Variants in MAP2K4 observed in about 807,000 individuals in gnomAD.
MAP2K4 encodes the protein dual specificity mitogen-activated protein kinase kinase 4.
Under a neutral mutation model 48.5 loss-of-function variants are expected in MAP2K4, and 4 were observed. The observed-to-expected ratio is 0.08, with a 90% CI of 0.04 to 0.19. The LOEUF is 0.19. Among genes scored for constraint, MAP2K4 ranks in the 10% least tolerant of loss-of-function variants. The probability of loss-of-function intolerance (pLI) is 1.00; values close to 1 mark genes in which losing one functional copy is unlikely to be tolerated. For synonymous variants in MAP2K4, 166 were observed against 173.1 expected, an observed-to-expected ratio of 0.96 and a Z score of 0.32; for missense variants, 258 against 493.3, an observed-to-expected ratio of 0.52 and a Z score of 4.52.
chr17:12,115,538 C>CG, intron 7 of MAP2K4: 1 of 518,702 alleles, frequency 1.9e-6, no homozygotes, highest in Non-Finnish European at 3.5e-6. Flanking sequence ...GGTGACGGGC[C>CG]GGAGAAAGAT....
At chr17:12,076,476 C>T (rs1393827419) in intron 2 of MAP2K4, among the ~76,000 whole-genome samples, 2 of 152,074 alleles carry the variant, frequency 1.3e-5, no homozygotes, top group African/African-American at 2.4e-5. Flanking sequence ...AATTAATAAT[C>T]GGGAAGGACT....
intron 2 of MAP2K4, among the ~76,000 whole-genome samples, chr17:12,057,498 T>G (rs1970318027): frequency 6.6e-6 from 1 of 152,226 alleles, no homozygotes; most frequent in Non-Finnish European, 1.5e-5. Flanking sequence ...TCTGTAATTA[T>G]ATGAGGATAA....
chr17:12,052,736 G>A (rs1157498688), intron 1 of MAP2K4, among the ~76,000 whole-genome samples: 1 of 152,120 alleles, frequency 6.6e-6, no homozygotes, highest in East Asian at 1.9e-4. Flanking sequence ...AGTTTGTAAA[G>A]ATTTTCTTCA....
chr17:12,085,584 C>T (rs1474931075), intron 3 of MAP2K4, among the ~76,000 whole-genome samples: 4 of 151,990 alleles, frequency 2.6e-5, no homozygotes, highest in African/African-American at 9.7e-5. Flanking sequence ...ACCCTTTCAC[C>T]TCTACTGTTT....
rs189868116 is a variant in MAP2K4 at position 12,039,638 on chromosome 17, A to T, written c.116-15251A>T. On this transcript the variant is annotated intron_variant, in intron 1 of 10. Transcript: ENST00000353533. ...CTTGATACAATTATCTTACCATTAA[A>T]TGAACAAAACAATATTACTAGATAG... 1.2e-4 allele frequency among the ~76,000 whole-genome samples: 19 copies of T among 152,342 alleles called. 1 individual carries two copies. The East Asian group carries it at 3.7e-3, about 29-fold the overall frequency.
In MAP2K4 at chr17:12,098,940, T is replaced by C. The variant is rs1044070818; in HGVS notation, c.513+3246T>C. Among the ~76,000 whole-genome samples the C allele has an allele frequency of 1.6e-4, 24 of 152,162 alleles. No individual in the cohort carries two copies. The South Asian group carries it at 2.5e-3, about 16-fold the overall frequency. Reference sequence around the variant, plus strand: ...AATTTAAGGGGTACAAGTGCAGTTTTTTTATATGAATATATTGAGTAGTGG... The same window carrying C: ...AATTTAAGGGGTACAAGTGCAGTTTCTTTATATGAATATATTGAGTAGTGG... On this transcript the variant is annotated intron_variant, in intron 4 of 10. Coordinates refer to ENST00000353533, the MANE Select transcript of MAP2K4 (RefSeq NM_003010.4).
intron 2 of MAP2K4, chr17:12,069,729 G>T: frequency 9.3e-7 from 1 of 1,073,632 alleles, no homozygotes; most frequent in Non-Finnish European, 1.1e-6. Context: ...CTGACAGACC[G>T]AGTTTACTGT....
chr17:12,060,728 G>GGGGTGTGTGTGTGT (rs71367376), intron 2 of MAP2K4, among the ~76,000 whole-genome samples: 2 of 150,352 alleles, frequency 1.3e-5, no homozygotes, highest in East Asian at 3.9e-4. Context: ...AATACTATGG[G>GGGGTGTGTGTGTGT]GTGTGTGTGT....
chr17:12,043,921 G>A (rs188966431), intron 1 of MAP2K4, among the ~76,000 whole-genome samples: 3 of 152,154 alleles, frequency 2.0e-5, no homozygotes, highest in Non-Finnish European at 2.9e-5. Flanking sequence ...GTGTGTATGG[G>A]GGCGTGGCAG....
Position 12,090,927 on chromosome 17 carries a change from T to A in MAP2K4, c.394-4648T>A, listed in dbSNP as rs77086751. ...CAATGTGTCATAGTCTGCTTTAAAG[T>A]TTTTCATACTTACCGATGTTAGTTT... On this transcript the variant is annotated intron_variant, in intron 3 of 10. Coordinates refer to ENST00000353533, the MANE Select transcript of MAP2K4 (RefSeq NM_003010.4). Among the ~76,000 whole-genome samples, 283 of 152,266 alleles carry A rather than the reference T, an allele frequency of 1.9e-3. 2 individuals are homozygous for A. Among genetic ancestry groups the A allele is most frequent in the African/African-American group, 6.3e-3 (261 of 41,552 alleles).
intron 8 of MAP2K4, among the ~76,000 whole-genome samples, chr17:12,126,819 G>T (rs1480739105): frequency 6.6e-6 from 1 of 152,192 alleles, no homozygotes; most frequent in Non-Finnish European, 1.5e-5. Context: ...ACCAGGACTT[G>T]CTGGGTTTTT....
At chr17:12,103,818 T>A (rs1972020743) in intron 4 of MAP2K4, among the ~76,000 whole-genome samples, 1 of 152,196 alleles carries the variant, frequency 6.6e-6, no homozygotes, top group East Asian at 1.9e-4. Context: ...TTTTCAAGAT[T>A]TATGTAAATA....
chr17:12,046,886 C>G (rs1969980595), intron 1 of MAP2K4, among the ~76,000 whole-genome samples: 1 of 151,948 alleles, frequency 6.6e-6, no homozygotes, highest in Non-Finnish European at 1.5e-5. Context: ...GGCTTTTAAG[C>G]CTTCCAACTC....
chr17:12,045,128 G>A (rs1320475523), intron 1 of MAP2K4, among the ~76,000 whole-genome samples: 1 of 152,114 alleles, frequency 6.6e-6, no homozygotes, highest in African/African-American at 2.4e-5. Context: ...CTAGAGCTCT[G>A]TGTCATTGTC....
At chr17:12,086,242 G>A (rs542141042) in intron 3 of MAP2K4, among the ~76,000 whole-genome samples, 2 of 152,302 alleles carry the variant, frequency 1.3e-5, no homozygotes, top group East Asian at 3.9e-4. Context: ...GTCAGATCAT[G>A]TGACTTACTT....
At chr17:12,114,387 G>GGTGTGTGTGTGTGT (rs61666948) in intron 7 of MAP2K4, among the ~76,000 whole-genome samples, 33 of 149,262 alleles carry the variant, frequency 2.2e-4, no homozygotes, top group African/African-American at 7.9e-4. Flanking sequence ...ATGTAAAAGC[G>GGTGTGTGTGTGTGT]GTGTGTGTGT....
intron 1 of MAP2K4, chr17:12,026,751 T>A (rs1313365478): frequency 6.6e-6 from 1 of 152,172 alleles, no homozygotes; most frequent in African/African-American, 2.4e-5. Context: ...GGAGAGAGAT[T>A]ATTTTAGGTT....
At chr17:12,029,646 T>C (rs1969369882) in intron 1 of MAP2K4, among the ~76,000 whole-genome samples, 1 of 152,078 alleles carries the variant, frequency 6.6e-6, no homozygotes, top group Admixed American at 6.6e-5. Context: ...ACTTCAAAAA[T>C]TGAACATATT....
Position 12,116,848 on chromosome 17 carries a change from C to T in MAP2K4, c.813+3488C>T, listed in dbSNP as rs117458058. Among the ~76,000 whole-genome samples the T allele has an allele frequency of 3.6e-3, 555 of 152,210 alleles. 3 individuals carry two copies. Among genetic ancestry groups the T allele is most frequent in the Non-Finnish European group, 5.3e-3 (359 of 68,002 alleles). On this transcript the variant is annotated intron_variant, in intron 7 of 10. Transcript: ENST00000353533. ...TTTTTTTAAATAAGTAGAAGGACAT[C>T]AAGTATAGTGTACTGTACATAATTG...
Sources: allele counts gnomAD v4.1 joint callset (sites outside exome capture counted in the v4.1 genomes callset), GRCh38; gene constraint gnomAD v4.1.1; transcripts MANE v1.5; gene names NCBI Gene and HGNC (gene_info 2026-07-23, HGNC 2026-07-21).